ITPKB: variants seen among roughly 807,000 people sequenced by gnomAD.
ITPKB encodes IP3 3-kinase B.
A neutral mutation model predicts 69.4 loss-of-function variants in ITPKB; 13 were observed. The ratio of observed to expected loss-of-function variants is 0.19; its 90% CI spans 0.12 to 0.30. The LOEUF (loss-of-function observed/expected upper bound fraction) is 0.30, where lower values mean the gene tolerates loss of function less well. ITPKB is among the 10% of genes least tolerant of loss of function. The pLI is 1.00. For missense variants in ITPKB, 1,240 were observed against 1,250.5 expected (o/e 0.99, Z 0.13); for synonymous variants, 584 against 513.7 (o/e 1.14, Z -1.85).
intron 2 of ITPKB, among the ~76,000 whole-genome samples, chr1:226,729,671 T>A (rs1187285342): frequency 1.3e-5 from 2 of 151,618 alleles, no homozygotes; most frequent in Non-Finnish European, 2.9e-5. Flanking sequence ...CTCCAACTCC[T>A]GGGTTCAAGT....
intron 2 of ITPKB, among the ~76,000 whole-genome samples, chr1:226,651,029 G>A (rs1416690425): frequency 6.6e-6 from 1 of 152,242 alleles, no homozygotes; most frequent in African/African-American, 2.4e-5. Flanking sequence ...AAATGAGCAT[G>A]CATGGAGGAA....
At chr1:226,668,781 G>A (rs887460490) in intron 2 of ITPKB, 4 of 152,168 alleles carry the variant, frequency 2.6e-5, no homozygotes, top group African/African-American at 7.2e-5. Context: ...CAACAAATGC[G>A]GCTTTGTCTA....
In ITPKB at chr1:226,737,161, G is replaced by A. The variant is rs990530815; in HGVS notation, c.298C>T (p.Pro100Ser). Reference protein sequence around the residue: ...SGSSGSSVSSPSWAGRLRGDR... With the variant: ...SGSSGSSVSSSSWAGRLRGDR... ...CCTCGCAGGCGACCAGCCCAACTTG[G>A]GCTGCTCACGCTACTGCCGCTGCTG... The change falls in exon 2 of 8, where the codon CCA (proline) becomes TCA (serine). Residue 100 changes from proline to serine, a missense_variant. By Grantham distance (74) the Pro-to-Ser change is moderately conservative. Coordinates refer to ENST00000429204, the MANE Select transcript of ITPKB (RefSeq NM_002221.4). 3 of 1,591,868 alleles carry A rather than the reference G, an allele frequency of 1.9e-6. No homozygotes were observed. Among genetic ancestry groups the A allele is most frequent in the Admixed American group, 1.7e-5 (1 of 58,980 alleles).
At chr1:226,666,457 G>C (rs979271334) in intron 2 of ITPKB, among the ~76,000 whole-genome samples, 1 of 152,168 alleles carries the variant, frequency 6.6e-6, no homozygotes, top group African/African-American at 2.4e-5. Context: ...GCTCTGGGAA[G>C]ATAGAGCATG....
At chr1:226,709,111 G>A (rs1235007417) in intron 2 of ITPKB, among the ~76,000 whole-genome samples, 2 of 152,240 alleles carry the variant, frequency 1.3e-5, no homozygotes, top group Non-Finnish European at 2.9e-5. Flanking sequence ...GCCACCAGCT[G>A]TCTCCTTTCT....
At chr1:226,722,406 T>G (rs1053083247) in intron 2 of ITPKB, among the ~76,000 whole-genome samples, 3 of 152,134 alleles carry the variant, frequency 2.0e-5, no homozygotes, top group Non-Finnish European at 2.9e-5. Context: ...CCTGCAGGGC[T>G]CCGTTCAGCT....
At chr1:226,666,875 G>A (rs1669513554) in intron 2 of ITPKB, among the ~76,000 whole-genome samples, 1 of 152,044 alleles carries the variant, frequency 6.6e-6, no homozygotes. Context: ...ACCACACATG[G>A]ACTCTCAAGG....
chr1:226,648,856 T>C (rs1466611393), intron 2 of ITPKB, 85 bp from the exon 3 acceptor site: 28 of 947,514 alleles, frequency 3.0e-5, no homozygotes, highest in East Asian at 1.7e-4. Context: ...AAGGCCCTCA[T>C]TGCCTGTGGC....
intron 2 of ITPKB, among the ~76,000 whole-genome samples, chr1:226,732,120 AAG>A (rs1657606419): frequency 6.6e-6 from 1 of 151,008 alleles, no homozygotes; most frequent in Non-Finnish European, 1.5e-5. Context: ...AAAAAAAAAA[AAG>A]CGAAGGAAAC....
At chr1:226,635,247 G>T (rs1668809919) in intron 7 of ITPKB, among the ~76,000 whole-genome samples, 1 of 151,374 alleles carries the variant, frequency 6.6e-6, no homozygotes, top group Non-Finnish European at 1.5e-5. Flanking sequence ...TCCAGACAGG[G>T]TCTTACTCTG....
chr1:226,683,126 G>A (rs1656125775), intron 2 of ITPKB, among the ~76,000 whole-genome samples: 2 of 152,190 alleles, frequency 1.3e-5, no homozygotes, highest in African/African-American at 4.8e-5. Flanking sequence ...TGCTGTCCAC[G>A]CTTGCATAAA....
chr1:226,731,892 G>T (rs1477600691), intron 2 of ITPKB, among the ~76,000 whole-genome samples: 1 of 151,984 alleles, frequency 6.6e-6, no homozygotes, highest in African/African-American at 2.4e-5. Context: ...ATCTAGAAAA[G>T]AATTTTCCAC....
At chr1:226,644,191 A>G (rs1416937627) in intron 4 of ITPKB, among the ~76,000 whole-genome samples, 2 of 152,154 alleles carry the variant, frequency 1.3e-5, no homozygotes, top group Non-Finnish European at 2.9e-5. Context: ...TGCCCAGGAG[A>G]GGAAAGAGGC....
chr1:226,651,327 C>T (rs1669190753), intron 2 of ITPKB, among the ~76,000 whole-genome samples: 1 of 152,168 alleles, frequency 6.6e-6, no homozygotes, highest in Non-Finnish European at 1.5e-5. Flanking sequence ...TCCCGGCTCC[C>T]CTTTTCCTCC....
chr1:226,711,438 A>AGTGTGT (rs1474794768), intron 2 of ITPKB, among the ~76,000 whole-genome samples: 2 of 116,042 alleles, frequency 1.7e-5, no homozygotes, highest in East Asian at 2.3e-4. Flanking sequence ...AGAGAGAGAG[A>AGTGTGT]GAGAGTGTGT....
At chr1:226,648,017 C>T (rs1214707813) in intron 3 of ITPKB, among the ~76,000 whole-genome samples, 1 of 152,246 alleles carries the variant, frequency 6.6e-6, no homozygotes, top group Non-Finnish European at 1.5e-5. Flanking sequence ...CAGCCCCTGA[C>T]ATGTCTCCAG....
intron 2 of ITPKB, among the ~76,000 whole-genome samples, chr1:226,719,444 G>T (rs1657174913): frequency 6.6e-6 from 1 of 152,168 alleles, no homozygotes; most frequent in Non-Finnish European, 1.5e-5. Context: ...CTCACTTGGT[G>T]ACCGCAGCTG....
intron 2 of ITPKB, among the ~76,000 whole-genome samples, chr1:226,717,823 A>G (rs1657131943): frequency 6.6e-6 from 1 of 152,198 alleles, no homozygotes; most frequent in Non-Finnish European, 1.5e-5. Flanking sequence ...CTCAGAGATG[A>G]CCAAACACCT....
chr1:226,723,795 A>C (rs975389836), intron 2 of ITPKB, among the ~76,000 whole-genome samples: 17 of 152,118 alleles, frequency 1.1e-4, no homozygotes, highest in South Asian at 2.1e-4. Context: ...CAGGGTGTGT[A>C]ACCTGACACC....
Sources: allele counts gnomAD v4.1 joint callset (sites outside exome capture counted in the v4.1 genomes callset), GRCh38; gene constraint gnomAD v4.1.1; transcripts MANE v1.5; gene names NCBI Gene and HGNC (gene_info 2026-07-23, HGNC 2026-07-21).